Variants in NUMB observed in about 807,000 individuals in gnomAD.
NUMB encodes NUMB endocytic adaptor protein, also known as protein numb homolog.
In NUMB, 29 loss-of-function variants were observed where a neutral mutation model predicts 59.7. The observed-to-expected ratio is 0.49, with a 90% CI of 0.36 to 0.66. The LOEUF (loss-of-function observed/expected upper bound fraction) is 0.66, where lower values mean the gene tolerates loss of function less well. Ranked by LOEUF, NUMB falls within the 30% of genes least tolerant of loss-of-function variation. The pLI is 0.00. For missense variants in NUMB, 723 were observed against 822.0 expected, an observed-to-expected ratio of 0.88 and a Z score of 1.47; for synonymous variants, 288 against 288.2, an observed-to-expected ratio of 1.00 and a Z score of 0.01.
intron 4 of NUMB, among the ~76,000 whole-genome samples, chr14:73,330,597 C>G (rs1891915953): frequency 6.6e-6 from 1 of 152,140 alleles, no homozygotes; most frequent in African/African-American, 2.4e-5. Context: ...ACAGCAGTAA[C>G]CACTGGCAGT....
At chr14:73,329,481 TTC>T (rs1891841548) in intron 4 of NUMB, among the ~76,000 whole-genome samples, 3 of 152,188 alleles carry the variant, frequency 2.0e-5, no homozygotes, top group East Asian at 3.9e-4. Context: ...CTCTCTCTTT[TTC>T]TCTCTCACAG....
At chr14:73,371,212 T>C (rs1894655000) in intron 2 of NUMB, among the ~76,000 whole-genome samples, 1 of 152,182 alleles carries the variant, frequency 6.6e-6, no homozygotes, top group African/African-American at 2.4e-5. Flanking sequence ...AACCATAATA[T>C]AGCTAAGCAA....
intron 1 of NUMB, among the ~76,000 whole-genome samples, chr14:73,451,682 A>T (rs920053399): frequency 6.6e-6 from 1 of 152,206 alleles, no homozygotes; most frequent in African/African-American, 2.4e-5. Context: ...ACATATGCAC[A>T]AGTGACTAGA....
rs113614223 is a variant in NUMB, at chr14:73,382,140, T to C, written c.-100-15159A>G. ...TCCCAACATGCGGAGGCAAAGTGCC[T>C]TTTTAAAATTATTATTATTTTTTGA... On this transcript the variant is annotated intron_variant, in intron 2 of 12. Coordinates refer to ENST00000555238, the MANE Select transcript of NUMB (RefSeq NM_001005743.2). Among the ~76,000 whole-genome samples the C allele has an allele frequency of 7.7e-4, 118 of 152,318 alleles. 1 individual carries two copies. Among genetic ancestry groups the C allele is most frequent in the Non-Finnish European group, 8.4e-4 (57 of 68,020 alleles).
chr14:73,368,282 C>A (rs770738053), intron 2 of NUMB, among the ~76,000 whole-genome samples: 1 of 151,932 alleles, frequency 6.6e-6, no homozygotes, highest in Non-Finnish European at 1.5e-5. Flanking sequence ...AGGTTAGAAA[C>A]ACAGCAATTC....
chr14:73,325,573 C>T (rs1373281468), intron 4 of NUMB, among the ~76,000 whole-genome samples: 1 of 152,226 alleles, frequency 6.6e-6, no homozygotes, highest in Non-Finnish European at 1.5e-5. Context: ...TTGCAATACT[C>T]AACCTTGGCC....
rs1286858603 is a variant in NUMB at position 73,324,664 on chromosome 14, AATACGGAGTAGAC to A, written c.127-1473_127-1461del. Among the ~76,000 whole-genome samples the A allele has an allele frequency of 5.9e-5, 9 of 152,160 alleles. No individual in the cohort carries two copies. In the East Asian group the frequency reaches 1.7e-3, roughly 29 times the overall value. ...TATGATTCAAGGTCTGGTTGCAGGT[AATACGGAGTAGAC>A]ACACTACACCCTGTCCTTCCCACTG... On this transcript the variant is annotated intron_variant, in intron 4 of 12. Coordinates refer to ENST00000555238, the MANE Select transcript of NUMB (RefSeq NM_001005743.2).
At chr14:73,330,527 A>G (rs1891908631) in intron 4 of NUMB, among the ~76,000 whole-genome samples, 1 of 152,184 alleles carries the variant, frequency 6.6e-6, no homozygotes, top group South Asian at 2.1e-4. Flanking sequence ...GGCAAATTAC[A>G]CGACTTGTCT....
At chr14:73,307,666 TGAGTA>T (rs574734078) in intron 6 of NUMB, among the ~76,000 whole-genome samples, 303 of 151,354 alleles carry the variant, frequency 2.0e-3, no homozygotes, top group African/African-American at 6.9e-3. Flanking sequence ...GCTTTTACTC[TGAGTA>T]GGTCAGGAAG....
rs1882669666 is a variant in NUMB, at chr14:73,275,500, C to G, written c.*1078G>C. 1 of 152,106 alleles carries G rather than the reference C, an allele frequency of 6.6e-6. No individual in the cohort carries two copies. The highest frequency in any genetic ancestry group is 2.1e-4 in the South Asian group (1 of 4,806). The allele number at this position is 152,106 out of a possible 1,614,324, so 9.4% of individuals were successfully genotyped here. On this transcript the variant is annotated 3_prime_UTR_variant, in exon 13 of 13. Transcript: ENST00000555238. ...GGATAAAACAAAACCCACCAAGACCCATATTACAAACCAATATGGTAACCT... is the reference window on the plus strand; with the variant it reads ...GGATAAAACAAAACCCACCAAGACCGATATTACAAACCAATATGGTAACCT...
At chr14:73,355,583 A>C (rs372046582) in intron 4 of NUMB, 43 bp downstream of exon 4, 65 of 1,565,036 alleles carry the variant, frequency 4.2e-5, no homozygotes, top group Non-Finnish European at 5.5e-5. Flanking sequence ...CTAGATTGTC[A>C]GTTCTTTTCC....
intron 8 of NUMB, among the ~76,000 whole-genome samples, chr14:73,292,027 GTTTTGTTT>G: frequency 6.6e-6 from 1 of 151,904 alleles, no homozygotes; most frequent in Non-Finnish European, 1.5e-5. Context: ...CTCCAACTCA[GTTTTGTTT>G]TTTTGTTTTG....
intron 1 of NUMB, among the ~76,000 whole-genome samples, chr14:73,439,665 T>G (rs1882878751): frequency 1.3e-5 from 2 of 152,140 alleles, no homozygotes; most frequent in Admixed American, 6.6e-5. Flanking sequence ...ATAAAACCTT[T>G]ACATGTGATC....
chr14:73,397,666 T>G (rs1896201104), intron 2 of NUMB, among the ~76,000 whole-genome samples: 4 of 152,358 alleles, frequency 2.6e-5, no homozygotes, highest in African/African-American at 9.6e-5. Context: ...CTTAATTGTT[T>G]TATGAGCATT....
chr14:73,340,959 G>A (rs1594925202), intron 4 of NUMB, among the ~76,000 whole-genome samples: 2 of 152,286 alleles, frequency 1.3e-5, no homozygotes, highest in South Asian at 4.1e-4. Context: ...TTTAAAAGTG[G>A]CAGTCTTTTT....
At chr14:73,366,157 C>T (rs1894333013) in intron 3 of NUMB, among the ~76,000 whole-genome samples, 1 of 152,154 alleles carries the variant, frequency 6.6e-6, no homozygotes, top group Admixed American at 6.6e-5. Context: ...AATGCAATGA[C>T]CATGTTAGGC....
chr14:73,382,097 C>T (rs1178476231), intron 2 of NUMB, among the ~76,000 whole-genome samples: 5 of 152,198 alleles, frequency 3.3e-5, no homozygotes, highest in Non-Finnish European at 7.3e-5. Context: ...TGCTTTTGCC[C>T]TTGGGGTATT....
intron 11 of NUMB, among the ~76,000 whole-genome samples, chr14:73,280,581 G>C (rs954081883): frequency 6.6e-6 from 1 of 150,684 alleles, no homozygotes; most frequent in African/African-American, 2.4e-5. Context: ...CCTTAGCCCA[G>C]CTCTCAATAA....
At chr14:73,406,586 TTATG>T (rs1896683323) in intron 2 of NUMB, among the ~76,000 whole-genome samples, 1 of 152,154 alleles carries the variant, frequency 6.6e-6, no homozygotes, top group South Asian at 2.1e-4. Context: ...GTAGCATGAT[TTATG>T]ATCTTTTGGG....
Sources: gnomAD v4.1 joint callset for allele counts (sites outside exome capture counted in the v4.1 genomes callset) on GRCh38, gnomAD v4.1.1 for gene constraint, MANE v1.5 for transcripts, NCBI Gene and HGNC (gene_info 2026-07-23, HGNC 2026-07-21) for gene names.